The following SLC24A5 variants were observed in gnomAD, a reference collection of about 807,000 sequenced individuals.
SLC24A5 encodes sodium/potassium/calcium exchanger 5.
SLC24A5 carries 46 observed loss-of-function variants against 51.6 expected under a neutral mutation model. The ratio of observed to expected loss-of-function variants is 0.89; its 90% CI spans 0.70 to 1.14. The LOEUF (loss-of-function observed/expected upper bound fraction) is 1.14. Ranked by LOEUF, SLC24A5 falls within the 50% of genes most tolerant of loss-of-function variation. The pLI is 0.00. For synonymous variants in SLC24A5, 230 were observed against 214.9 expected (o/e 1.07, Z -0.62); for missense variants, 581 against 604.1 (o/e 0.96, Z 0.40).
At chr15:48,137,017 A>C (rs541314360) in intron 6 of SLC24A5, 54 bp downstream of exon 6, 2 of 1,521,018 alleles carry the variant, frequency 1.3e-6, no homozygotes. Context: ...AAAAACTTTA[A>C]AATTTCATTT....
In SLC24A5 at chr15:48,134,428, C is replaced by T; in HGVS notation, c.386-7C>T. The T allele has an allele frequency of 6.2e-7, 1 of 1,610,766 alleles. No homozygotes were observed. ...CACTAACTTAGCTGGTACTATCTTG[C>T]ACATAGGTGTATTTATCACAAAGGG... On this transcript the variant is annotated splice_region_variant and splice_polypyrimidine_tract_variant and intron_variant, in intron 3 of 8. Transcript: ENST00000341459.
intron 1 of SLC24A5, 24 bp from the exon 2 acceptor site, chr15:48,121,833 C>T (rs757628015): frequency 6.2e-7 from 1 of 1,612,894 alleles, no homozygotes; most frequent in Non-Finnish European, 8.5e-7. Flanking sequence ...ACTCTTCAAA[C>T]TTTCACCTCC....
chr15:48,121,407 T>G lies in SLC24A5; in HGVS notation c.121+242T>G, dbSNP rs186519089. On this transcript the variant is annotated intron_variant, in intron 1 of 8. Transcript: ENST00000341459. ...GTCTCCAGTTTTTGTTCTTGGAGAC[T>G]TTTTGGTGAAAACAAAAAATCTTTC... Among the ~76,000 whole-genome samples, 13 of 152,350 alleles carry G rather than the reference T, an allele frequency of 8.5e-5. No homozygotes were observed. The East Asian group carries it at 2.5e-3, about 29-fold the overall frequency.
Position 48,142,117 on chromosome 15 carries a change from A to T in SLC24A5, c.1269A>T (p.Ala423=), listed in dbSNP as rs1683949535. Residue 423 remains alanine, a synonymous_variant, in exon 9 of 9, where the codon GCA becomes GCT. Coordinates refer to ENST00000341459, the MANE Select transcript of SLC24A5 (RefSeq NM_205850.3). ...CLGIPWFIKT[A]FINGSAPAEV... Reference sequence around the variant, plus strand: ...GTATTCCATGGTTTATTAAAACTGCATTTATAAATGGATCAGCTCCTGCAG... The same window carrying T: ...GTATTCCATGGTTTATTAAAACTGCTTTTATAAATGGATCAGCTCCTGCAG... 1 of 1,613,746 alleles carries T rather than the reference A, an allele frequency of 6.2e-7. No individual in the cohort carries two copies.
In SLC24A5 at chr15:48,142,396, G is replaced by A. The variant is rs1418687893; in HGVS notation, c.*45G>A. The A allele has an allele frequency of 7.8e-7, 1 of 1,277,114 alleles. No homozygotes were observed. Among genetic ancestry groups the A allele is most frequent in the Non-Finnish European group, 1.1e-6 (1 of 941,578 alleles). The allele number at this position is 1,277,114 out of a possible 1,614,324, so 79.1% of individuals were successfully genotyped here. ...CAGAAAATATGAATGGCAGGGAGGGGCAGAGAGAAAAATCCATTTCTTCAT... is the reference window on the plus strand; with the variant it reads ...CAGAAAATATGAATGGCAGGGAGGGACAGAGAGAAAAATCCATTTCTTCAT... On this transcript the variant is annotated 3_prime_UTR_variant, in exon 9 of 9. Transcript: ENST00000341459.
rs528131988 is a variant in SLC24A5, at chr15:48,130,519, T to C, written c.302-3739T>C. Among the ~76,000 whole-genome samples the C allele has an allele frequency of 2.6e-5, 4 of 152,270 alleles. No individual in the cohort carries two copies. The East Asian group carries it at 7.7e-4, about 29-fold the overall frequency. The stretch of plus-strand genomic sequence containing the variant: ...TAAAGGACCACCTGTTGTCCTTCCT[T>C]GAGACTGAGTTTTCTAATGAAGCAT... On this transcript the variant is annotated intron_variant, in intron 2 of 8. Transcript: ENST00000341459.
intron 4 of SLC24A5, 22 bp downstream of exon 4, chr15:48,134,560 C>A: frequency 4.5e-6 from 7 of 1,566,598 alleles, no homozygotes; most frequent in Non-Finnish European, 6.1e-6. Context: ...AACCATTCAA[C>A]AAAATGTATT....
chr15:48,124,644 A>T (rs1331324318), intron 2 of SLC24A5: 2 of 152,210 alleles, frequency 1.3e-5, no homozygotes, highest in Non-Finnish European at 2.9e-5. Flanking sequence ...TGTAGAAGAC[A>T]CTACTGCATT....
intron 2 of SLC24A5, among the ~76,000 whole-genome samples, chr15:48,125,412 ATAGCCACACAGAGAAAGTCCTGATCTCTC>A (rs1258497232): frequency 6.6e-6 from 1 of 152,118 alleles, no homozygotes; most frequent in Non-Finnish European, 1.5e-5. Flanking sequence ...TCATGACCAC[ATAGCCACACAGAGAAAGTCCTGATCTCTC>A]TAATGCCAAA....
intron 2 of SLC24A5, among the ~76,000 whole-genome samples, chr15:48,131,017 T>G (rs967719008): frequency 4.6e-5 from 7 of 152,190 alleles, no homozygotes; most frequent in African/African-American, 1.7e-4. Flanking sequence ...TGGGCCTGTT[T>G]ATCTGTAAAA....
rs140877350 is a variant in SLC24A5 at position 48,142,254 on chromosome 15, T to C, written c.1406T>C (p.Ile469Thr). ...NGWKLDRKLG[I>T]VCLLSYLGLA... ...TGGAAACTAGACAGAAAGTTGGGAA[T>C]AGTCTGCCTATTATCATACTTGGGG... The change falls in exon 9 of 9, where the codon ATA becomes ACA. Residue 469 changes from isoleucine to threonine, a missense_variant. Ile to Thr is a moderately conservative substitution (Grantham distance 89, BLOSUM62 -1). Coordinates refer to ENST00000341459, the MANE Select transcript of SLC24A5 (RefSeq NM_205850.3). 1.9e-6 allele frequency: 3 copies of C among 1,613,414 alleles called. No individual in the cohort carries two copies. Among genetic ancestry groups the C allele is most frequent in the African/African-American group, 2.7e-5 (2 of 75,038 alleles).
chr15:48,123,552 G>A (rs184358270), intron 2 of SLC24A5: 72 of 152,054 alleles, frequency 4.7e-4, no homozygotes, highest in African/African-American at 8.2e-4. Flanking sequence ...TGATTTGAGC[G>A]TCTGACACTG....
chr15:48,139,741 T>G (rs2039005274), intron 7 of SLC24A5: 1 of 152,108 alleles, frequency 6.6e-6, no homozygotes, highest in South Asian at 2.1e-4. Context: ...TTGGCCATAA[T>G]CCACTACAGT....
intron 2 of SLC24A5, among the ~76,000 whole-genome samples, chr15:48,132,866 T>G (rs533830613): frequency 1.3e-5 from 2 of 152,216 alleles, no homozygotes; most frequent in South Asian, 4.2e-4. Context: ...AAATGTCCTG[T>G]GATGATAGTA....
At chr15:48,129,076 T>C (rs2140715910) in intron 2 of SLC24A5, among the ~76,000 whole-genome samples, 1 of 152,182 alleles carries the variant, frequency 6.6e-6, no homozygotes, top group Middle Eastern at 3.4e-3. Context: ...TAAGAGCAGG[T>C]AGAAATCCAC....
intron 2 of SLC24A5, among the ~76,000 whole-genome samples, chr15:48,125,303 A>G (rs1049644602): frequency 1.3e-5 from 2 of 150,054 alleles, no homozygotes; most frequent in African/African-American, 2.4e-5. Flanking sequence ...ATATATATAT[A>G]TATGGTTTCA....
rs1016145908 is a variant in SLC24A5 at position 48,140,401 on chromosome 15, C to T, written c.1079-712C>T. On this transcript the variant is annotated intron_variant, in intron 7 of 8. Transcript: ENST00000341459. ...AAAAAAAAGAGAAAGAAAAAAAAGA[C>T]GCTAAACCAAGTTTTCAATTACAAC... is the stretch of plus-strand genomic sequence containing the variant. 11 of 151,852 alleles carry T rather than the reference C, an allele frequency of 7.2e-5. 1 individual carries two copies. The highest frequency in any genetic ancestry group is 1.0e-4 in the Non-Finnish European group (7 of 67,920). 9.4% of individuals were successfully genotyped at this position (151,852 alleles called of 1,614,324 possible).
At chr15:48,128,834 T>A (rs1370106604) in intron 2 of SLC24A5, among the ~76,000 whole-genome samples, 1 of 152,192 alleles carries the variant, frequency 6.6e-6, no homozygotes, top group Admixed American at 6.5e-5. Context: ...TTTACCACGA[T>A]GCTATTGCAG....
Position 48,136,840 on chromosome 15 carries a change from T to G in SLC24A5, c.748T>G (p.Trp250Gly). The change falls in exon 6 of 9, where the codon TGG (tryptophan) becomes GGG (glycine). Residue 250 changes from tryptophan (W) to glycine (G), a missense_variant. Transcript: ENST00000341459. ...AAGTGAACAACAGCCACTGATGGGC[T>G]GGGAAGATGAAGGTCAACCATTCAT... ...ERSEQQPLMGWEDEGQPFIRR... is the reference protein window; with the variant it reads ...ERSEQQPLMGGEDEGQPFIRR... The G allele has an allele frequency of 6.2e-7, 1 of 1,613,886 alleles. No homozygotes were observed. The highest frequency in any genetic ancestry group is 8.5e-7 in the Non-Finnish European group (1 of 1,179,852).
Sources: gnomAD v4.1 joint callset for allele counts (sites outside exome capture counted in the v4.1 genomes callset) on GRCh38, gnomAD v4.1.1 for gene constraint, MANE v1.5 for transcripts, NCBI Gene and HGNC (gene_info 2026-07-23, HGNC 2026-07-21) for gene names.